The following ASIC5 variants were observed in gnomAD, a reference collection of about 807,000 sequenced individuals.
ASIC5 encodes acid sensing ion channel subunit family member 5, also known as bile acid-sensitive ion channel.
ASIC5 carries 52 observed loss-of-function variants against 51.2 expected under a neutral mutation model. The ratio of observed to expected loss-of-function variants is 1.02; its 90% confidence interval spans 0.81 to 1.28. ASIC5 has a LOEUF of 1.28. ASIC5 is among the 50% of genes most tolerant of loss of function. ASIC5 has a pLI of 0.00. For synonymous variants in ASIC5, 231 were observed against 200.7 expected, an observed-to-expected ratio of 1.15 and a Z score of -1.28; for missense variants, 635 against 595.0, an observed-to-expected ratio of 1.07 and a Z score of -0.70.
chr4:155,854,280 T>C lies in ASIC5; in HGVS notation c.382A>G (p.Ile128Val). The part of the protein sequence containing the change: ...QTDAVAKFGV[I>V]FFLWHIVSKV... ...GATACAATGTGCCATAAGAAAAAAA[T>C]AACACCAAATTTGGCTACAGCATCT... Residue 128 changes from isoleucine to valine, a missense_variant, in exon 3 of 10, where the codon ATT becomes GTT. By Grantham distance (29) the Ile-to-Val change is conservative. Coordinates refer to ENST00000537611, the MANE Select transcript of ASIC5 (RefSeq NM_017419.3). 1 of 1,612,738 alleles carries C rather than the reference T, an allele frequency of 6.2e-7. No homozygotes were observed.
intron 4 of ASIC5, among the ~76,000 whole-genome samples, chr4:155,846,978 G>C (rs1027684938): frequency 6.6e-6 from 1 of 152,098 alleles, no homozygotes; most frequent in African/African-American, 2.4e-5. Flanking sequence ...TGTAAAGAAA[G>C]CTATAAAAAT....
At chr4:155,830,812 T>A (rs1305361037) in intron 9 of ASIC5, among the ~76,000 whole-genome samples, 2 of 152,214 alleles carry the variant, frequency 1.3e-5, no homozygotes, top group Non-Finnish European at 2.9e-5. Context: ...CTGAATCTGA[T>A]TACTCCAGCA....
intron 1 of ASIC5, among the ~76,000 whole-genome samples, chr4:155,865,621 C>T (rs1741842805): frequency 6.6e-6 from 1 of 152,034 alleles, no homozygotes; most frequent in Admixed American, 6.6e-5. Context: ...TACATCTAAT[C>T]CTTGACAATT....
intron 6 of ASIC5, among the ~76,000 whole-genome samples, chr4:155,839,358 CA>C: frequency 1.4e-5 from 2 of 146,226 alleles, no homozygotes; most frequent in South Asian, 2.1e-4. Flanking sequence ...TACACACACA[CA>C]CACACACACA....
intron 2 of ASIC5, among the ~76,000 whole-genome samples, chr4:155,856,302 C>T (rs1741538161): frequency 6.6e-6 from 1 of 151,994 alleles, no homozygotes; most frequent in Non-Finnish European, 1.5e-5. Flanking sequence ...CACCCATGGC[C>T]CCCACAATGT....
chr4:155,832,919 G>A (rs1261224546), intron 8 of ASIC5, among the ~76,000 whole-genome samples: 1 of 151,970 alleles, frequency 6.6e-6, no homozygotes, highest in Non-Finnish European at 1.5e-5. Flanking sequence ...TTGTCAGGAA[G>A]GACTTTCCTG....
intron 4 of ASIC5, among the ~76,000 whole-genome samples, chr4:155,849,999 A>C (rs1435751682): frequency 1.3e-5 from 2 of 151,996 alleles, no homozygotes; most frequent in Non-Finnish European, 2.9e-5. Flanking sequence ...ATCTGCTAAA[A>C]ATAAGCTTTT....
chr4:155,833,159 G>A (rs1402809407), intron 8 of ASIC5, among the ~76,000 whole-genome samples: 1 of 152,130 alleles, frequency 6.6e-6, no homozygotes, highest in Non-Finnish European at 1.5e-5. Flanking sequence ...ATAATAGGTT[G>A]TCCCTTAGAT....
At chr4:155,839,495 TC>T (rs1372850687) in intron 6 of ASIC5, among the ~76,000 whole-genome samples, 1 of 152,096 alleles carries the variant, frequency 6.6e-6, no homozygotes, top group East Asian at 1.9e-4. Flanking sequence ...TCACTATGTA[TC>T]AGAGCTGGGT....
rs749006392 is a variant in ASIC5, at chr4:155,843,632, T to G, written c.861+49A>C. The G allele has an allele frequency of 3.1e-6, 5 of 1,594,004 alleles. No individual in the cohort carries two copies. The African/African-American group carries it at 4.0e-5, about 13-fold the overall frequency. On this transcript the variant is annotated intron_variant, in intron 5 of 9. Coordinates refer to ENST00000537611, the MANE Select transcript of ASIC5 (RefSeq NM_017419.3). ...TCTAGTGAAAAGCATTACTTATGTG[T>G]TTGATGCATTCACTACCCCACCTAA...
At chr4:155,830,454 T>C (rs534386457) in intron 9 of ASIC5, among the ~76,000 whole-genome samples, 35 of 152,324 alleles carry the variant, frequency 2.3e-4, no homozygotes, top group Middle Eastern at 3.4e-3. Flanking sequence ...AGTTGTGACA[T>C]CAAGTGTCAA....
intron 6 of ASIC5, among the ~76,000 whole-genome samples, chr4:155,840,942 T>C (rs779524818): frequency 7.9e-5 from 12 of 151,432 alleles, no homozygotes; most frequent in African/African-American, 1.2e-4. Context: ...TACCCAGGAA[T>C]TGACTCAGCG....
chr4:155,842,024 A>G (rs1434690613), intron 6 of ASIC5, among the ~76,000 whole-genome samples, 183 bp downstream of exon 6: 1 of 152,154 alleles, frequency 6.6e-6, no homozygotes, highest in Admixed American at 6.6e-5. Context: ...CTGCAAAGAG[A>G]AGGAACAGGC....
chr4:155,855,509 T>G (rs1031768074), intron 2 of ASIC5, among the ~76,000 whole-genome samples: 1 of 152,080 alleles, frequency 6.6e-6, no homozygotes, highest in Middle Eastern at 3.4e-3. Context: ...AGGACTTTCA[T>G]ATTTTAGATA....
chr4:155,865,580 G>C (rs1020147589), intron 1 of ASIC5, among the ~76,000 whole-genome samples: 6 of 152,066 alleles, frequency 3.9e-5, no homozygotes, highest in African/African-American at 1.2e-4. Context: ...TAACTTTCAA[G>C]TTTGCCTGTC....
intron 8 of ASIC5, among the ~76,000 whole-genome samples, chr4:155,836,407 C>T (rs74723954): frequency 6.6e-6 from 1 of 152,176 alleles, no homozygotes; most frequent in African/African-American, 2.4e-5. Context: ...CCATTATTAT[C>T]AGTCAACATT....
At chr4:155,838,906 AT>A (rs1021885466) in intron 6 of ASIC5, 37 bp from the exon 7 acceptor site, 9 of 1,193,220 alleles carry the variant, frequency 7.5e-6, no homozygotes, top group Non-Finnish European at 8.5e-6. Context: ...GAGACTTTAC[AT>A]TTTGTAAAAT....
chr4:155,836,660 T>C (rs1178150291), intron 8 of ASIC5, 29 bp downstream of exon 8: 33 of 1,390,834 alleles, frequency 2.4e-5, no homozygotes, highest in Non-Finnish European at 3.2e-5. Context: ...ATGTTAATTA[T>C]CAATAATTTA....
In ASIC5 at chr4:155,843,797, C is replaced by T. The variant is rs376716986; in HGVS notation, c.745G>A (p.Val249Ile). The T allele has an allele frequency of 1.2e-5, 20 of 1,613,524 alleles. No individual in the cohort carries two copies. The highest frequency in any genetic ancestry group is 2.2e-5 in the East Asian group (1 of 44,848). Residue 249 changes from valine to isoleucine, a missense_variant, in exon 5 of 10, where the codon GTT becomes ATT. Transcript: ENST00000537611. Reference protein sequence around the residue: ...AFTDNPALGFVDAGIIFVIHS... With the variant: ...AFTDNPALGFIDAGIIFVIHS... The stretch of plus-strand genomic sequence containing the variant: ...ATAACAAAGATGATCCCAGCATCAA[C>T]GAAACCAAGGGCTGGGTTATCAGTG...
Sources: allele counts gnomAD v4.1 joint callset (sites outside exome capture counted in the v4.1 genomes callset), GRCh38; gene constraint gnomAD v4.1.1; transcripts MANE v1.5; gene names NCBI Gene and HGNC (gene_info 2026-07-23, HGNC 2026-07-21).